The following EXOC4 variants were observed in gnomAD, a reference collection of about 807,000 sequenced individuals.
EXOC4 encodes the protein SEC8-like 1.
In EXOC4, 71 loss-of-function variants were observed where a neutral mutation model predicts 107.2. That is an observed-to-expected ratio of 0.66 (90% CI 0.55 to 0.81). The LOEUF (loss-of-function observed/expected upper bound fraction) is 0.81, where lower values mean the gene tolerates loss of function less well. Among genes scored for constraint, EXOC4 ranks in the 30% least tolerant of loss-of-function variants. EXOC4 has a pLI of 0.00. For synonymous variants in EXOC4, 456 were observed against 441.2 expected, an observed-to-expected ratio of 1.03 and a Z score of -0.42; for missense variants, 1,108 against 1,189.6, an observed-to-expected ratio of 0.93 and a Z score of 1.01.
At chr7:133,468,123 G>GA (rs1420915077) in intron 7 of EXOC4, among the ~76,000 whole-genome samples, 8 of 151,702 alleles carry the variant, frequency 5.3e-5, no homozygotes, top group South Asian at 2.1e-4. Flanking sequence ...TTGAGAAAAA[G>GA]AAAAAAAATC....
intron 9 of EXOC4, among the ~76,000 whole-genome samples, chr7:133,492,113 G>T (rs926446263): frequency 6.6e-6 from 1 of 152,154 alleles, no homozygotes; most frequent in African/African-American, 2.4e-5. Flanking sequence ...GTGCATTTTA[G>T]AAAATGTTTT....
chr7:134,057,680 T>C (rs1287028321), intron 17 of EXOC4, among the ~76,000 whole-genome samples: 1 of 152,280 alleles, frequency 6.6e-6, no homozygotes, highest in East Asian at 1.9e-4. Context: ...TCAGAGTGTT[T>C]TCAAGTCAAT....
chr7:133,531,218 A>C (rs1466308827), intron 9 of EXOC4, among the ~76,000 whole-genome samples: 1 of 152,166 alleles, frequency 6.6e-6, no homozygotes, highest in Non-Finnish European at 1.5e-5. Context: ...TATTATCTTT[A>C]TAAGACATGG....
At position 133,274,962 on chromosome 7, in the gene EXOC4, A is replaced by G; in HGVS notation, c.87-20A>G. On this transcript the variant is annotated intron_variant, in intron 1 of 17. Coordinates refer to ENST00000253861, the MANE Select transcript of EXOC4 (RefSeq NM_021807.4). Reference sequence around the variant, plus strand: ...ACTTTCAAGTTTTACTTAGCTTGATATACTCTCTGCCTTCACCAGGACTCT... The same window carrying G: ...ACTTTCAAGTTTTACTTAGCTTGATGTACTCTCTGCCTTCACCAGGACTCT... 1.3e-6 allele frequency: 2 copies of G among 1,543,154 alleles called. No individual in the cohort carries two copies. Among genetic ancestry groups the G allele is most frequent in the Non-Finnish European group, 8.7e-7 (1 of 1,144,756 alleles).
chr7:133,659,426 G>A (rs1803385541), intron 10 of EXOC4, among the ~76,000 whole-genome samples: 1 of 152,072 alleles, frequency 6.6e-6, no homozygotes, highest in African/African-American at 2.4e-5. Context: ...TAAGGGCCTT[G>A]TCCCATGCCT....
chr7:133,888,506 T>A (rs1046054515), intron 11 of EXOC4, among the ~76,000 whole-genome samples: 2 of 152,236 alleles, frequency 1.3e-5, no homozygotes, highest in Non-Finnish European at 2.9e-5. Context: ...ACTAATGGTT[T>A]AAACAACTCA....
At position 133,649,474 on chromosome 7, in the gene EXOC4, T is replaced by C. The variant is rs972057412; in HGVS notation, c.1514+19333T>C. ...GAAGCATTACTACTTTTTCTTTTTT[T>C]TTTTTTTTTTTAACCAGTAAAGATT... is the stretch of plus-strand genomic sequence containing the variant. On this transcript the variant is annotated intron_variant, in intron 10 of 17. Transcript: ENST00000253861. Among the ~76,000 whole-genome samples, 36 of 114,648 alleles carry C rather than the reference T, an allele frequency of 3.1e-4. 1 individual carries two copies. Among genetic ancestry groups the C allele is most frequent in the African/African-American group, 9.9e-4 (33 of 33,168 alleles). 75.2% of individuals were successfully genotyped at this position (114,648 alleles called of 152,430 possible). A position where few individuals can be genotyped will look rare whatever the true frequency, so the allele number is the denominator to read the frequency against.
At chr7:133,661,897 C>T (rs373896225) in intron 10 of EXOC4, among the ~76,000 whole-genome samples, 3 of 151,794 alleles carry the variant, frequency 2.0e-5, no homozygotes, top group Non-Finnish European at 4.4e-5. Context: ...AGAAATTAAA[C>T]GTGAAATTAA....
chr7:133,345,465 C>T (rs1035088118), intron 5 of EXOC4, among the ~76,000 whole-genome samples: 1 of 152,062 alleles, frequency 6.6e-6, no homozygotes, highest in Non-Finnish European at 1.5e-5. Context: ...TTCATCTGTT[C>T]CTTGTCCCTC....
At chr7:134,088,996 AACCATTTGACCAT>A in the EXOC4 span, among the ~76,000 whole-genome samples, 8 of 152,244 alleles carry the variant, frequency 5.3e-5, no homozygotes, top group East Asian at 1.4e-3. Context: ...TCCAATCTTA[AACCATTTGACCAT>A]AAGATAAGAT....
chr7:133,836,892 G>A (rs1012599047), intron 11 of EXOC4, among the ~76,000 whole-genome samples: 1 of 152,024 alleles, frequency 6.6e-6, no homozygotes, highest in African/African-American at 2.4e-5. Context: ...TATAATTGCC[G>A]TTATACTGTG....
At chr7:133,878,474 G>A (rs1798895989) in intron 11 of EXOC4, among the ~76,000 whole-genome samples, 1 of 152,156 alleles carries the variant, frequency 6.6e-6, no homozygotes, top group East Asian at 1.9e-4. Flanking sequence ...GAAGTTAAAT[G>A]TTTTTAGTGA....
At chr7:133,388,246 C>T (rs1385064621) in intron 7 of EXOC4, among the ~76,000 whole-genome samples, 1 of 152,136 alleles carries the variant, frequency 6.6e-6, no homozygotes, top group African/African-American at 2.4e-5. Flanking sequence ...TTTTCTATCC[C>T]TCCGTATTTC....
At chr7:133,811,492 A>G (rs1689603608) in intron 10 of EXOC4, among the ~76,000 whole-genome samples, 1 of 152,208 alleles carries the variant, frequency 6.6e-6, no homozygotes, top group Admixed American at 6.5e-5. Context: ...TGGGGAAAAT[A>G]AAATAAAGAC....
intron 5 of EXOC4, among the ~76,000 whole-genome samples, chr7:133,327,518 A>C (rs186181320): frequency 4.6e-5 from 7 of 151,622 alleles, no homozygotes; most frequent in African/African-American, 1.7e-4. Flanking sequence ...TTGTTCTTTC[A>C]ATTGTGATGT....
intron 11 of EXOC4, among the ~76,000 whole-genome samples, chr7:133,840,778 G>A (rs548663793): frequency 6.6e-6 from 1 of 152,262 alleles, no homozygotes; most frequent in South Asian, 2.1e-4. Context: ...ACTACGCCTG[G>A]CTGGAAACTT....
At chr7:133,529,741 T>C (rs1436972808) in intron 9 of EXOC4, among the ~76,000 whole-genome samples, 1 of 152,148 alleles carries the variant, frequency 6.6e-6, no homozygotes, top group African/African-American at 2.4e-5. Flanking sequence ...GGCATGATTA[T>C]TTAGGGCAAA....
At chr7:133,974,733 A>G (rs1249281620) in intron 14 of EXOC4, among the ~76,000 whole-genome samples, 4 of 152,240 alleles carry the variant, frequency 2.6e-5, no homozygotes, top group Non-Finnish European at 5.9e-5. Flanking sequence ...ACACAAAGGC[A>G]AGGAAGGTGA....
In EXOC4 at chr7:133,626,554, G is replaced by A. The variant is rs367917905; in HGVS notation, c.1418-3491G>A. Reference sequence around the variant, plus strand: ...CCTGTAGGTGGAATTCTGTTTAGGTGTTGGGGTAGGGAGGAGAGTCTCTTT... The same window carrying A: ...CCTGTAGGTGGAATTCTGTTTAGGTATTGGGGTAGGGAGGAGAGTCTCTTT... On this transcript the variant is annotated intron_variant, in intron 9 of 17. Transcript: ENST00000253861. 1.1e-4 allele frequency among the ~76,000 whole-genome samples: 16 copies of A among 152,298 alleles called. No homozygotes were observed. The South Asian group carries it at 3.1e-3, about 30-fold the overall frequency.
Sources: allele counts gnomAD v4.1 joint callset (sites outside exome capture counted in the v4.1 genomes callset), GRCh38; gene constraint gnomAD v4.1.1; transcripts MANE v1.5; gene names NCBI Gene and HGNC (gene_info 2026-07-23, HGNC 2026-07-21).